The following NAV3 variants were observed in gnomAD, a reference collection of about 807,000 sequenced individuals.
The protein encoded by NAV3 is neuron navigator 3.
NAV3 carries 87 observed loss-of-function variants against 244.7 expected under a neutral mutation model. That is an observed-to-expected ratio of 0.36 (90% CI 0.30 to 0.42). NAV3 has a LOEUF of 0.42. Among genes scored for constraint, NAV3 ranks in the 20% least tolerant of loss-of-function variants. The pLI, the probability that NAV3 is intolerant of heterozygous loss-of-function variation, is 1.00. For missense variants in NAV3, 2,663 were observed against 2,893.3 expected (o/e 0.92, Z 1.83); for synonymous variants, 1,126 against 1,042.2 (o/e 1.08, Z -1.55).
chr12:77,784,699 T>C (rs1212797264), intron 2 of NAV3, among the ~76,000 whole-genome samples: 1 of 152,170 alleles, frequency 6.6e-6, no homozygotes, highest in African/African-American at 2.4e-5. Flanking sequence ...TCTGAAAATA[T>C]GGTCGCTGAT....
At chr12:78,130,867 T>A (rs1007669590) in intron 18 of NAV3, 2 of 194,682 alleles carry the variant, frequency 1.0e-5, no homozygotes, top group Non-Finnish European at 2.2e-5. Context: ...ATTCTCCAGG[T>A]ACTCCAGCAC....
upstream of NAV3, among the ~76,000 whole-genome samples, chr12:77,827,287 G>T (rs1328894013): frequency 6.9e-6 from 1 of 144,514 alleles, no homozygotes; most frequent in Non-Finnish European, 1.5e-5. Context: ...TACAATTTTA[G>T]CAAATATCAG....
chr12:77,626,703 A>G (rs1330738510), intron 2 of NAV3, among the ~76,000 whole-genome samples: 1 of 152,160 alleles, frequency 6.6e-6, no homozygotes, highest in Admixed American at 6.5e-5. Flanking sequence ...ATTCCCAGCA[A>G]TGCTATCCTT....
intron 2 of NAV3, among the ~76,000 whole-genome samples, chr12:77,624,671 G>A (rs536241544): frequency 2.0e-5 from 3 of 152,174 alleles, no homozygotes; most frequent in African/African-American, 7.2e-5. Context: ...AGAGAGAGAA[G>A]AATGACTCCA....
intron 2 of NAV3, among the ~76,000 whole-genome samples, chr12:77,697,161 A>C (rs1405889): frequency 1.3e-5 from 2 of 152,038 alleles, no homozygotes; most frequent in Non-Finnish European, 2.9e-5. Flanking sequence ...CAGCCCTGTT[A>C]CTTTCCAGTC....
At chr12:78,002,839 ATATC>A (rs1471396482) in intron 7 of NAV3, among the ~76,000 whole-genome samples, 1 of 151,864 alleles carries the variant, frequency 6.6e-6, no homozygotes, top group African/African-American at 2.4e-5. Context: ...GTATATATCT[ATATC>A]TATATATTTA....
intron 12 of NAV3, among the ~76,000 whole-genome samples, chr12:78,069,019 A>G (rs1365662872): frequency 6.6e-6 from 1 of 151,260 alleles, no homozygotes; most frequent in Admixed American, 6.6e-5. Context: ...CAGATTTTCA[A>G]TTTGGGATCA....
At chr12:78,071,474 G>T (rs969921992) in intron 12 of NAV3, among the ~76,000 whole-genome samples, 5 of 151,792 alleles carry the variant, frequency 3.3e-5, no homozygotes, top group African/African-American at 1.2e-4. Context: ...AGATGAGTAG[G>T]TTGCGAAAAT....
intron 2 of NAV3, among the ~76,000 whole-genome samples, chr12:77,703,479 A>G (rs1875651727): frequency 6.6e-6 from 1 of 152,140 alleles, no homozygotes; most frequent in South Asian, 2.1e-4. Flanking sequence ...TAAAGCTATT[A>G]TGAACATTTG....
intron 3 of NAV3, among the ~76,000 whole-genome samples, chr12:77,965,910 G>A (rs886559351): frequency 5.3e-5 from 8 of 152,224 alleles, no homozygotes; most frequent in South Asian, 4.1e-4. Context: ...ATCTCAGTCT[G>A]TATGGATGCT....
chr12:77,640,719 G>C (rs1209158129), intron 2 of NAV3, among the ~76,000 whole-genome samples: 1 of 152,062 alleles, frequency 6.6e-6, no homozygotes, highest in Non-Finnish European at 1.5e-5. Context: ...ATAAAATGTA[G>C]CTATGAAAGG....
rs374428675 is a variant in NAV3, at chr12:78,119,257, G to T, written c.3061G>T (p.Ala1021Ser). The change falls in exon 15 of 40, where the codon GCT becomes TCT. Residue 1021 changes from alanine (A) to serine (S), a missense_variant. Coordinates refer to ENST00000397909, the MANE Select transcript of NAV3 (RefSeq NM_001024383.2). ...ATTAGGGAAAACCGATGATGCCAAA[G>T]CTTCTGAGAAAGGAAAAGCTCCCCT... Reference protein sequence around the residue: ...KTPGKTDDAKASEKGKAPLKG... With the variant: ...KTPGKTDDAKSSEKGKAPLKG... The T allele has an allele frequency of 1.1e-5, 17 of 1,612,718 alleles. No homozygotes were observed. Among genetic ancestry groups the T allele is most frequent in the East Asian group, 4.5e-5 (2 of 44,870 alleles).
chr12:77,916,424 A>T (rs1249252660), intron 1 of NAV3, among the ~76,000 whole-genome samples: 4 of 151,976 alleles, frequency 2.6e-5, no homozygotes, highest in Non-Finnish European at 4.4e-5. Flanking sequence ...AGAAACAAAG[A>T]GGAAGGAATG....
At chr12:77,958,767 G>A (rs879068098) in intron 3 of NAV3, among the ~76,000 whole-genome samples, 2 of 152,084 alleles carry the variant, frequency 1.3e-5, no homozygotes, top group African/African-American at 2.4e-5. Flanking sequence ...GAGAGAGAAA[G>A]TAGGTGTTCC....
chr12:78,026,249 T>A (rs1878035366), intron 9 of NAV3, among the ~76,000 whole-genome samples: 1 of 152,194 alleles, frequency 6.6e-6, no homozygotes, highest in Non-Finnish European at 1.5e-5. Flanking sequence ...AACTCTGGAC[T>A]CAAATATCCA....
At chr12:77,875,796 C>T (rs1393224887) in intron 1 of NAV3, among the ~76,000 whole-genome samples, 3 of 151,908 alleles carry the variant, frequency 2.0e-5, no homozygotes, top group Non-Finnish European at 4.4e-5. Context: ...CACTCGTGTT[C>T]TTGTTTAAAT....
intron 5 of NAV3, among the ~76,000 whole-genome samples, chr12:77,971,759 A>G (rs1893016201): frequency 6.6e-6 from 1 of 152,048 alleles, no homozygotes. Context: ...TCAACTTGCT[A>G]TACTTCTCTG....
At chr12:77,882,113 A>G (rs1481859188) in intron 1 of NAV3, among the ~76,000 whole-genome samples, 1 of 152,130 alleles carries the variant, frequency 6.6e-6, no homozygotes, top group East Asian at 1.9e-4. Flanking sequence ...GTGTCCGGAC[A>G]GCCAAAGCGA....
At chr12:77,719,625 T>G (rs1876520425) in intron 2 of NAV3, among the ~76,000 whole-genome samples, 1 of 152,144 alleles carries the variant, frequency 6.6e-6, no homozygotes, top group African/African-American at 2.4e-5. Flanking sequence ...CAACCCACCT[T>G]GTATCCCAGA....
Sources: allele counts gnomAD v4.1 joint callset (sites outside exome capture counted in the v4.1 genomes callset), GRCh38; gene constraint gnomAD v4.1.1; transcripts MANE v1.5; gene names NCBI Gene and HGNC (gene_info 2026-07-23, HGNC 2026-07-21).